ZFHX3: variants seen among roughly 807,000 people sequenced by gnomAD.
ZFHX3 encodes zinc finger homeobox protein 3.
ZFHX3 carries 42 observed loss-of-function variants against 279.1 expected under a neutral mutation model. The ratio of observed to expected loss-of-function variants is 0.15; its 90% CI spans 0.12 to 0.19. The LOEUF (loss-of-function observed/expected upper bound fraction) is 0.19. Ranked by LOEUF, ZFHX3 falls within the 10% of genes least tolerant of loss-of-function variation. ZFHX3 has a pLI of 1.00. For missense variants in ZFHX3, 4,981 were observed against 4,754.0 expected, an observed-to-expected ratio of 1.05 and a Z score of -1.40; for synonymous variants, 2,293 against 1,957.8, an observed-to-expected ratio of 1.17 and a Z score of -4.52.
intron 3 of ZFHX3, among the ~76,000 whole-genome samples, chr16:72,931,760 T>C (rs531976474): frequency 2.6e-5 from 4 of 152,086 alleles, no homozygotes; most frequent in Admixed American, 6.6e-5. Flanking sequence ...CCTAAGGCAA[T>C]GTTAAGTCAT....
At chr16:73,590,250 A>G (rs1333401403) in intron 2 of ZFHX3, among the ~76,000 whole-genome samples, 6 of 152,234 alleles carry the variant, frequency 3.9e-5, no homozygotes, top group Non-Finnish European at 8.8e-5. Context: ...CCTAAAAACC[A>G]TAACTGGCCT....
rs374726393 is a variant in ZFHX3, at chr16:72,784,193, A to G, written c.*2971T>C. 9 of 152,710 alleles carry G rather than the reference A, an allele frequency of 5.9e-5. No individual in the cohort carries two copies. The highest frequency in any genetic ancestry group is 1.9e-4 in the African/African-American group (8 of 41,510). The allele number at this position is 152,710 out of a possible 1,614,324, so 9.5% of individuals were successfully genotyped here. A position where few individuals can be genotyped will look rare whatever the true frequency, so the allele number is the denominator to read the frequency against. On this transcript the variant is annotated 3_prime_UTR_variant, in exon 10 of 10. Coordinates refer to ENST00000268489, the MANE Select transcript of ZFHX3 (RefSeq NM_006885.4). ...AAACACCCACAGCTCAAGGCATGGC[A>G]TAACAAAACACTGACAGTCACTCTG...
chr16:73,470,216 G>A (rs564558061), intron 2 of ZFHX3, among the ~76,000 whole-genome samples: 2 of 152,254 alleles, frequency 1.3e-5, no homozygotes, highest in East Asian at 1.9e-4. Context: ...TCCTGCTAAT[G>A]TACACTTTTC....
In ZFHX3 at chr16:72,795,820, C is replaced by A; in HGVS notation, c.6862G>T (p.Val2288Leu). The change falls in exon 9 of 10, where the codon GTG (valine) becomes TTG (leucine). Residue 2288 changes from valine (V) to leucine (L), a missense_variant. By Grantham distance (32) the Val-to-Leu change is conservative. Coordinates refer to ENST00000268489, the MANE Select transcript of ZFHX3 (RefSeq NM_006885.4). ...TTCTGTCGGGCATTCTGAAACCACA[C>A]CACTATCACTCGGGTTGGAAGGTTC... is the stretch of plus-strand genomic sequence containing the variant. ...LLNLPTRVIV[V>L]WFQNARQKAR... 6.2e-7 allele frequency: 1 copy of A among 1,614,184 alleles called. No homozygotes were observed. Among genetic ancestry groups the A allele is most frequent in the Non-Finnish European group, 8.5e-7 (1 of 1,180,028 alleles).
rs1301735886 is a variant in ZFHX3, at chr16:72,787,317, G to A, written c.10959C>T (p.Pro3653=). Residue 3653 remains proline, a synonymous_variant, in exon 10 of 10, where the codon CCC becomes CCT. Transcript: ENST00000268489. The part of the protein sequence containing the change: ...SSSCSTSGVQ[P]SMPTDDYSEE... ...CCGAATAGTCGTCTGTTGGCATCGA[G>A]GGCTGAACCCCTGAGGTGCTGCATG... 5.0e-6 allele frequency: 8 copies of A among 1,613,994 alleles called. No homozygotes were observed. The South Asian group carries it at 5.5e-5, about 11-fold the overall frequency.
At chr16:73,185,309 G>A (rs927097206) in intron 5 of ZFHX3, among the ~76,000 whole-genome samples, 3 of 152,148 alleles carry the variant, frequency 2.0e-5, no homozygotes, top group East Asian at 1.9e-4. Context: ...CCATGTAACC[G>A]TATGAGGTAA....
At chr16:73,716,799 G>T (rs1021927034) in intron 1 of ZFHX3, among the ~76,000 whole-genome samples, 1 of 151,966 alleles carries the variant, frequency 6.6e-6, no homozygotes, top group African/African-American at 2.4e-5. Context: ...AAGCATTATC[G>T]ATTTTTGCCA....
intron 3 of ZFHX3, among the ~76,000 whole-genome samples, chr16:72,931,087 C>A (rs1959771386): frequency 1.3e-5 from 2 of 152,116 alleles, no homozygotes; most frequent in African/African-American, 4.8e-5. Flanking sequence ...TTCTTATACA[C>A]CTCTTGACAC....
In ZFHX3 at chr16:73,703,492, C is replaced by CA. The variant is rs559259813; in HGVS notation, c.-1607-23253dup. ...TGAATTCCACAATGCAAGAGAAAGC[C>CA]AAAAAAAAAAAATTGATGTGGGAAG... On this transcript the variant is annotated intron_variant, in intron 1 of 17. Transcript: ENST00000641206. 4.0e-3 allele frequency among the ~76,000 whole-genome samples: 571 copies of CA among 142,108 alleles called. 2 individuals carry two copies. The highest frequency in any genetic ancestry group is 6.9e-3 in the East Asian group (34 of 4,900). The allele number at this position is 142,108 out of a possible 152,430, so 93.2% of individuals were successfully genotyped here.
intron 7 of ZFHX3, among the ~76,000 whole-genome samples, chr16:73,094,815 T>C (rs774234047): frequency 2.6e-5 from 4 of 152,198 alleles, no homozygotes; most frequent in Admixed American, 6.5e-5. Context: ...GTTCAAGTGA[T>C]TCTCCTGCTT....
chr16:72,889,634 T>G lies in ZFHX3; in HGVS notation c.3448+97A>C, dbSNP rs113571451. 53 of 1,154,758 alleles carry G rather than the reference T, an allele frequency of 4.6e-5. No homozygotes were observed. The Middle Eastern group carries it at 2.1e-3, about 45-fold the overall frequency. The allele number at this position is 1,154,758 out of a possible 1,614,324, so 71.5% of individuals were successfully genotyped here. A position where few individuals can be genotyped will look rare whatever the true frequency, so the allele number is the denominator to read the frequency against. The stretch of plus-strand genomic sequence containing the variant: ...GTAAGGAACATGAGGACCAGCTGGA[T>G]CAGTAACGTCTCCCTCAAACAGAAG... On this transcript the variant is annotated intron_variant, in intron 4 of 9. Transcript: ENST00000268489.
intron 5 of ZFHX3, among the ~76,000 whole-genome samples, chr16:73,197,884 G>A (rs1382392529): frequency 1.4e-5 from 2 of 145,694 alleles, no homozygotes; most frequent in Admixed American, 6.9e-5. Flanking sequence ...CTTGGGTGTC[G>A]GTAAAGAAAA....
At chr16:73,887,426 T>G (rs1032636805) in intron 1 of ZFHX3, among the ~76,000 whole-genome samples, 1 of 152,176 alleles carries the variant, frequency 6.6e-6, no homozygotes, top group Non-Finnish European at 1.5e-5. Flanking sequence ...CCAAATCGAT[T>G]TCTATACATG....
At chr16:73,230,088 T>C (rs994828185) in intron 5 of ZFHX3, among the ~76,000 whole-genome samples, 1 of 152,190 alleles carries the variant, frequency 6.6e-6, no homozygotes, top group African/African-American at 2.4e-5. Context: ...AAGATATTCA[T>C]AGATCAATAC....
intron 8 of ZFHX3, among the ~76,000 whole-genome samples, chr16:73,070,026 TC>T (rs898624697): frequency 3.3e-5 from 5 of 152,130 alleles, no homozygotes; most frequent in Non-Finnish European, 7.4e-5. Flanking sequence ...TTTCCAGAGG[TC>T]CCTTTCCCAT....
At chr16:73,821,612 C>T (rs1032911580) in intron 1 of ZFHX3, among the ~76,000 whole-genome samples, 8 of 152,220 alleles carry the variant, frequency 5.3e-5, no homozygotes, top group Non-Finnish European at 2.9e-5. Flanking sequence ...GGCACTTGAA[C>T]CTGGTAGCCT....
chr16:72,897,446 T>C (rs981210236), intron 3 of ZFHX3, among the ~76,000 whole-genome samples: 16 of 152,222 alleles, frequency 1.1e-4, no homozygotes, highest in Non-Finnish European at 5.9e-5. Context: ...ATACTTTTTT[T>C]CTTTTTTGTC....
At chr16:73,834,766 C>T (rs1007285905) in intron 1 of ZFHX3, among the ~76,000 whole-genome samples, 7 of 152,206 alleles carry the variant, frequency 4.6e-5, no homozygotes, top group African/African-American at 1.4e-4. Context: ...TGGCGCATGC[C>T]TGTAGTCCCA....
At chr16:73,444,492 A>T (rs188748036) in intron 3 of ZFHX3, among the ~76,000 whole-genome samples, 2 of 152,334 alleles carry the variant, frequency 1.3e-5, no homozygotes, top group African/African-American at 4.8e-5. Context: ...ACAAGGTCAG[A>T]TAGTTCACAC....
Sources: gnomAD v4.1 joint callset for allele counts (sites outside exome capture counted in the v4.1 genomes callset) on GRCh38, gnomAD v4.1.1 for gene constraint, MANE v1.5 for transcripts, NCBI Gene and HGNC (gene_info 2026-07-23, HGNC 2026-07-21) for gene names.